The following DYM variants were observed in gnomAD, a reference collection of about 807,000 sequenced individuals.
The protein encoded by DYM is dymeclin.
In DYM, 78 loss-of-function variants were observed where a neutral mutation model predicts 93.1. The ratio of observed to expected loss-of-function variants is 0.84; its 90% CI spans 0.70 to 1.01. The LOEUF (loss-of-function observed/expected upper bound fraction) is 1.01. Ranked by LOEUF, DYM falls within the 50% of genes least tolerant of loss-of-function variation. The pLI, the probability that DYM is intolerant of heterozygous loss-of-function variation, is 0.00. For synonymous variants in DYM, 321 were observed against 319.7 expected (o/e 1.00, Z -0.04); for missense variants, 789 against 845.0 (o/e 0.93, Z 0.82).
chr18:49,251,257 A>G (rs2094281199), intron 13 of DYM, among the ~76,000 whole-genome samples: 1 of 152,198 alleles, frequency 6.6e-6, no homozygotes, highest in Non-Finnish European at 1.5e-5. Flanking sequence ...AGGGAGGCAA[A>G]AAGACCCAGT....
intron 13 of DYM, 78 bp downstream of exon 13, chr18:49,256,932 A>T: frequency 1.6e-6 from 2 of 1,251,586 alleles, no homozygotes; most frequent in Non-Finnish European, 2.3e-6. Context: ...GGTAACATTT[A>T]AAAAGGAACC....
intron 9 of DYM, among the ~76,000 whole-genome samples, chr18:49,283,392 A>G (rs114739499): frequency 2.8e-4 from 42 of 152,288 alleles, no homozygotes; most frequent in African/African-American, 9.6e-4. Flanking sequence ...ATAATCTCCA[A>G]TGCAAACCTA....
intron 16 of DYM, among the ~76,000 whole-genome samples, chr18:49,104,941 A>G (rs925010048): frequency 6.6e-6 from 1 of 152,114 alleles, no homozygotes; most frequent in African/African-American, 2.4e-5. Flanking sequence ...GTTAGGGAGG[A>G]TTCCCTCTTT....
chr18:49,378,028 A>G (rs1013209970), intron 5 of DYM, among the ~76,000 whole-genome samples: 1 of 152,238 alleles, frequency 6.6e-6, no homozygotes. Flanking sequence ...TGTGAAGGGT[A>G]ATCTTTCCCT....
intron 1 of DYM, among the ~76,000 whole-genome samples, chr18:49,449,624 GT>G (rs137911240): frequency 6.6e-6 from 1 of 152,104 alleles, no homozygotes; most frequent in Admixed American, 6.6e-5. Context: ...AAGGGTAAAA[GT>G]TTTTTTACCA....
chr18:49,243,149 C>T (rs1186534221), intron 13 of DYM, among the ~76,000 whole-genome samples: 5 of 152,110 alleles, frequency 3.3e-5, no homozygotes, highest in African/African-American at 7.2e-5. Context: ...GTAAGGCTTC[C>T]GTGACACTCA....
intron 5 of DYM, among the ~76,000 whole-genome samples, chr18:49,377,793 T>C (rs1040601961): frequency 1.3e-5 from 2 of 152,132 alleles, no homozygotes; most frequent in East Asian, 1.9e-4. Context: ...TATATGAAAG[T>C]GTTATTATAC....
chr18:49,154,243 T>C (rs1358646779), intron 15 of DYM, among the ~76,000 whole-genome samples: 1 of 152,138 alleles, frequency 6.6e-6, no homozygotes, highest in Non-Finnish European at 1.5e-5. Flanking sequence ...CAGAAAAGAA[T>C]AGGCATTAAT....
At chr18:49,224,565 A>G (rs1350617349) in intron 13 of DYM, among the ~76,000 whole-genome samples, 1 of 152,082 alleles carries the variant, frequency 6.6e-6, no homozygotes, top group Non-Finnish European at 1.5e-5. Flanking sequence ...AGGTGAGGTC[A>G]TGAGGGTACA....
chr18:49,399,802 AC>A lies in DYM; in HGVS notation c.141-8158del, dbSNP rs138379169. ...GTCAGACACCACTCAGACCTTCATTACCAGGAGACAGAATTATTTCCCCTGG... is the reference window on the plus strand; with the variant it reads ...GTCAGACACCACTCAGACCTTCATTACAGGAGACAGAATTATTTCCCCTGG... On this transcript the variant is annotated intron_variant, in intron 2 of 17. Coordinates refer to ENST00000675505, the MANE Select transcript of DYM (RefSeq NM_001353214.3). 3.5e-3 allele frequency among the ~76,000 whole-genome samples: 528 copies of A among 152,200 alleles called. 4 individuals carry two copies. The highest frequency in any genetic ancestry group is 0.012 in the African/African-American group (489 of 41,530).
At chr18:49,355,382 C>T (rs2065464489) in intron 6 of DYM, among the ~76,000 whole-genome samples, 1 of 151,620 alleles carries the variant, frequency 6.6e-6, no homozygotes. Flanking sequence ...ATAGATGATA[C>T]ATAGATAGAT....
At chr18:49,389,183 C>T (rs2068936649) in intron 3 of DYM, among the ~76,000 whole-genome samples, 1 of 152,096 alleles carries the variant, frequency 6.6e-6, no homozygotes, top group African/African-American at 2.4e-5. Context: ...TTAGCCATAC[C>T]ATCACATTAC....
chr18:49,274,538 T>G (rs1200546466), intron 10 of DYM, among the ~76,000 whole-genome samples: 1 of 152,174 alleles, frequency 6.6e-6, no homozygotes, highest in Non-Finnish European at 1.5e-5. Context: ...ATATGGTAAC[T>G]GTTTCATTGT....
intron 13 of DYM, among the ~76,000 whole-genome samples, chr18:49,221,732 A>C (rs2093366129): frequency 6.6e-6 from 1 of 152,102 alleles, no homozygotes; most frequent in Non-Finnish European, 1.5e-5. Flanking sequence ...CAGGAAGGGG[A>C]ACATCACACT....
intron 2 of DYM, among the ~76,000 whole-genome samples, chr18:49,430,019 G>A (rs554529133): frequency 2.0e-5 from 3 of 152,124 alleles, no homozygotes; most frequent in Non-Finnish European, 4.4e-5. Context: ...TCTCTAGAAC[G>A]ATTCAAAATA....
chr18:49,395,661 T>C (rs924741718), intron 2 of DYM, among the ~76,000 whole-genome samples: 7 of 149,306 alleles, frequency 4.7e-5, no homozygotes, highest in African/African-American at 1.7e-4. Context: ...CAAATGGCAA[T>C]AGGTATATGA....
chr18:49,276,280 A>C (rs2094844803), intron 10 of DYM, among the ~76,000 whole-genome samples: 1 of 151,946 alleles, frequency 6.6e-6, no homozygotes, highest in Non-Finnish European at 1.5e-5. Context: ...TATTTCATAA[A>C]AAAGTGATTA....
chr18:49,302,874 A>G (rs1211505966), intron 8 of DYM, among the ~76,000 whole-genome samples: 1 of 152,186 alleles, frequency 6.6e-6, no homozygotes, highest in East Asian at 1.9e-4. Flanking sequence ...CCAAAACCAT[A>G]AAGGGAGCCC....
chr18:49,096,108 A>T (rs550213984), intron 17 of DYM, among the ~76,000 whole-genome samples: 2 of 152,350 alleles, frequency 1.3e-5, no homozygotes, highest in East Asian at 3.9e-4. Context: ...AAAAATGGAA[A>T]CAATATGAAT....
Sources: allele counts gnomAD v4.1 joint callset (sites outside exome capture counted in the v4.1 genomes callset), GRCh38; gene constraint gnomAD v4.1.1; transcripts MANE v1.5; gene names NCBI Gene and HGNC (gene_info 2026-07-23, HGNC 2026-07-21).